The following TRHDE variants were observed in gnomAD, a reference collection of about 807,000 sequenced individuals.
TRHDE encodes the protein thyrotropin releasing hormone degrading enzyme.
TRHDE carries 72 observed loss-of-function variants against 125.7 expected under a neutral mutation model. That is an observed-to-expected ratio of 0.57 (90% CI 0.47 to 0.70). The LOEUF (loss-of-function observed/expected upper bound fraction) is 0.70. Among genes scored for constraint, TRHDE ranks in the 30% least tolerant of loss-of-function variants. TRHDE has a pLI of 0.00. For missense variants in TRHDE, 1,110 were observed against 1,327.1 expected (o/e 0.84, Z 2.54); for synonymous variants, 509 against 509.1 (o/e 1.00, Z 0.00).
At chr12:72,368,098 A>G (rs781228999) in intron 2 of TRHDE, among the ~76,000 whole-genome samples, 18 of 152,180 alleles carry the variant, frequency 1.2e-4, no homozygotes, top group Non-Finnish European at 2.5e-4. Context: ...TTCATTTTTA[A>G]ACAACAAATC....
chr12:72,096,830 C>T (rs914659395), intron 1 of TRHDE, among the ~76,000 whole-genome samples: 1 of 152,186 alleles, frequency 6.6e-6, no homozygotes, highest in Non-Finnish European at 1.5e-5. Flanking sequence ...ACCTAGTCTT[C>T]CTCACCTCCC....
intron 12 of TRHDE, among the ~76,000 whole-genome samples, chr12:72,601,150 A>G (rs1872189403): frequency 6.6e-6 from 1 of 152,106 alleles, no homozygotes; most frequent in African/African-American, 2.4e-5. Context: ...ATCAACATAA[A>G]CAGGAGTTTG....
intron 18 of TRHDE, among the ~76,000 whole-genome samples, chr12:72,660,922 G>A (rs1874892274): frequency 6.6e-6 from 1 of 152,174 alleles, no homozygotes; most frequent in African/African-American, 2.4e-5. Context: ...GGCACTGTGA[G>A]CATGCGCTAG....
Position 72,272,803 on chromosome 12 carries a change from C to CGGGCTGGCAGCAGG in TRHDE, c.166_179dup (p.Ser61AlafsTer135). 3 of 1,563,566 alleles carry CGGGCTGGCAGCAGG rather than the reference C, an allele frequency of 1.9e-6. No individual in the cohort carries two copies. Among genetic ancestry groups the CGGGCTGGCAGCAGG allele is most frequent in the Non-Finnish European group, 2.6e-6 (3 of 1,157,624 alleles). ...GATGGGGGAAGACGACGCCGCGCTT[C>CGGGCTGGCAGCAGG]GGGCTGGCAGCAGGGGGCTCTCCGA... On this transcript the variant is annotated frameshift_variant, in exon 1 of 19. Coordinates refer to ENST00000261180, the MANE Select transcript of TRHDE (RefSeq NM_013381.3). LOFTEE classifies it high-confidence loss of function. This position sits in a 1 kb window ranked among gnomAD's most constrained non-coding sequence, Gnocchi z 6.7.
intron 2 of TRHDE, among the ~76,000 whole-genome samples, chr12:72,187,477 C>CGTGGTGGTG (rs1168433112): frequency 5.7e-5 from 6 of 104,570 alleles, no homozygotes; most frequent in African/African-American, 1.2e-4. Flanking sequence ...TGGTTGTGGT[C>CGTGGTGGTG]GTGGTGGTGG....
chr12:72,323,739 G>A (rs140109807), intron 2 of TRHDE, among the ~76,000 whole-genome samples: 340 of 152,228 alleles, frequency 2.2e-3, no homozygotes, highest in African/African-American at 7.9e-3. Flanking sequence ...CGAGACAACT[G>A]TGGGAATTGA....
At chr12:72,161,612 C>CT (rs567124266) in intron 2 of TRHDE, among the ~76,000 whole-genome samples, 4 of 152,014 alleles carry the variant, frequency 2.6e-5, no homozygotes, top group Non-Finnish European at 4.4e-5. Flanking sequence ...AACATAAGAG[C>CT]TTTTTTTTCT....
chr12:72,296,568 G>C (rs1880307408), intron 2 of TRHDE, among the ~76,000 whole-genome samples: 1 of 152,148 alleles, frequency 6.6e-6, no homozygotes. Context: ...TAGGGCCTGA[G>C]TTGGCTCGGT....
intron 2 of TRHDE, among the ~76,000 whole-genome samples, chr12:72,377,700 CA>C (rs968281067): frequency 1.6e-4 from 24 of 152,124 alleles, no homozygotes; most frequent in Non-Finnish European, 3.4e-4. Flanking sequence ...CTATCTCTAG[CA>C]AGCACATGTA....
At chr12:72,291,206 T>C (rs1306991653) in intron 2 of TRHDE, among the ~76,000 whole-genome samples, 1 of 152,166 alleles carries the variant, frequency 6.6e-6, no homozygotes, top group African/African-American at 2.4e-5. Flanking sequence ...TGAAGACCTG[T>C]TAACGAAAGA....
chr12:72,496,691 C>G (rs986642899), intron 5 of TRHDE, among the ~76,000 whole-genome samples: 1 of 152,152 alleles, frequency 6.6e-6, no homozygotes, highest in African/African-American at 2.4e-5. Context: ...TTATTTCATT[C>G]ACTATGGCCA....
At chr12:72,439,292 G>T (rs2135853266) in intron 3 of TRHDE, among the ~76,000 whole-genome samples, 1 of 151,604 alleles carries the variant, frequency 6.6e-6, no homozygotes, top group African/African-American at 2.4e-5. Flanking sequence ...GGGTCTTTTT[G>T]GTTCTATAGA....
intron 5 of TRHDE, among the ~76,000 whole-genome samples, chr12:72,482,540 G>C (rs569893965): frequency 6.6e-6 from 1 of 151,928 alleles, no homozygotes; most frequent in East Asian, 1.9e-4. Context: ...AGATTTTTGA[G>C]TATCTTTCTG....
intron 3 of TRHDE, among the ~76,000 whole-genome samples, chr12:72,443,191 CCTGT>C (rs1336443657): frequency 7.2e-5 from 8 of 111,460 alleles, no homozygotes; most frequent in East Asian, 2.7e-4. Context: ...CTACTTCTTT[CCTGT>C]GTGTGTGTGT....
At chr12:72,132,949 T>C (rs543428776) in intron 2 of TRHDE, among the ~76,000 whole-genome samples, 1 of 152,078 alleles carries the variant, frequency 6.6e-6, no homozygotes, top group South Asian at 2.1e-4. Context: ...TACACAGGCA[T>C]GGAGATGGAA....
At chr12:72,637,374 T>A (rs1205086904) in intron 15 of TRHDE, among the ~76,000 whole-genome samples, 2 of 152,220 alleles carry the variant, frequency 1.3e-5, no homozygotes, top group Non-Finnish European at 2.9e-5. Context: ...TTTTATTGCA[T>A]CTATTTGATT....
chr12:72,519,597 C>A (rs940749916), intron 6 of TRHDE, among the ~76,000 whole-genome samples: 1 of 152,292 alleles, frequency 6.6e-6, no homozygotes, highest in East Asian at 1.9e-4. Flanking sequence ...GAATGTCCTC[C>A]AGTAGCTCGG....
At chr12:72,443,866 T>C (rs1875144176) in intron 3 of TRHDE, among the ~76,000 whole-genome samples, 2 of 151,748 alleles carry the variant, frequency 1.3e-5, no homozygotes, top group South Asian at 4.1e-4. Flanking sequence ...TTACATGTGA[T>C]TTACATATCA....
intron 12 of TRHDE, among the ~76,000 whole-genome samples, chr12:72,585,650 G>T: frequency 6.6e-6 from 1 of 152,150 alleles, no homozygotes; most frequent in Non-Finnish European, 1.5e-5. Context: ...TTTTTGATTT[G>T]TTGTAAGAAG....
Sources: gnomAD v4.1 joint callset for allele counts (sites outside exome capture counted in the v4.1 genomes callset) on GRCh38, gnomAD v4.1.1 for gene constraint, Gnocchi (gnomAD v3.1) non-coding constraint, MANE v1.5 for transcripts, NCBI Gene and HGNC (gene_info 2026-07-23, HGNC 2026-07-21) for gene names.